RGPD2: variants seen among roughly 807,000 people sequenced by gnomAD.
The protein encoded by RGPD2 is RANBP2 like and GRIP domain containing 2.
In RGPD2, 2 loss-of-function variants were observed where a neutral mutation model predicts 36.0. The observed-to-expected ratio is 0.06, with a 90% CI of 0.02 to 0.17. The LOEUF (loss-of-function observed/expected upper bound fraction) is 0.17, where lower values mean the gene tolerates loss of function less well. Ranked by LOEUF, RGPD2 falls within the 10% of genes least tolerant of loss-of-function variation. The probability of loss-of-function intolerance (pLI) is 1.00; values close to 1 mark genes in which losing one functional copy is unlikely to be tolerated. For missense variants in RGPD2, 40 were observed against 464.3 expected (o/e 0.09, Z 8.40); for synonymous variants, 19 against 163.8 (o/e 0.12, Z 6.75).
the RGPD2 span, among the ~76,000 whole-genome samples, chr2:87,875,787 G>A: frequency 5.2e-5 from 8 of 152,390 alleles, no homozygotes; most frequent in African/African-American, 1.4e-4. Flanking sequence ...CAGTAGAAAC[G>A]GTACCAGCTC....
the RGPD2 span, among the ~76,000 whole-genome samples, chr2:87,844,753 T>C: frequency 3.3e-5 from 5 of 151,284 alleles, no homozygotes; most frequent in African/African-American, 9.7e-5. Flanking sequence ...TAATTTTTTA[T>C]TTTATTTTAC....
chr2:87,830,351 A>T (rs1464524654), upstream of RGPD2, among the ~76,000 whole-genome samples: 9 of 152,234 alleles, frequency 5.9e-5, no homozygotes, highest in Non-Finnish European at 1.3e-4. Flanking sequence ...TCCCAGCAAG[A>T]TCACCATCTA....
chr2:87,911,256 T>G, the RGPD2 span, among the ~76,000 whole-genome samples: 8 of 140,178 alleles, frequency 5.7e-5, no homozygotes, highest in South Asian at 2.0e-3. Flanking sequence ...TGTGTCTTTT[T>G]TTTTCAGAGC....
chr2:87,961,457 T>C, the RGPD2 span, among the ~76,000 whole-genome samples: 24 of 151,856 alleles, frequency 1.6e-4, no homozygotes, highest in East Asian at 3.9e-3. Context: ...TCCCAACACT[T>C]TGGGAGGCCG....
Position 87,825,104 on chromosome 2 carries a change from T to A in RGPD2, c.72+554A>T, listed in dbSNP as rs1192125011. 258 of 389,042 alleles carry A rather than the reference T, an allele frequency of 6.6e-4. 2 individuals are homozygous for A. In the East Asian group the frequency reaches 9.2e-3, roughly 14 times the overall value. The allele number at this position is 389,042 out of a possible 1,614,324, so 24.1% of individuals were successfully genotyped here. On this transcript the variant is annotated intron_variant, in intron 1 of 22. Transcript: ENST00000398146. ...CTATAGTAAACCCTGAGAACCAAAG[T>A]GAACGAAAATCTGTTCGCTTCATTC... is the stretch of plus-strand genomic sequence containing the variant.
chr2:87,763,251 G>C (rs1421690307), intron 22 of RGPD2, among the ~76,000 whole-genome samples: 2 of 145,936 alleles, frequency 1.4e-5, no homozygotes, highest in African/African-American at 5.2e-5. Context: ...TCCGCCTCCC[G>C]GGTTCGCGCC....
At chr2:87,978,284 A>G in the RGPD2 span, among the ~76,000 whole-genome samples, 14 of 150,598 alleles carry the variant, frequency 9.3e-5, no homozygotes, top group African/African-American at 3.4e-4. Flanking sequence ...TTAAAATCTA[A>G]TTTACAAGTT....
At chr2:87,878,883 GT>G in the RGPD2 span, among the ~76,000 whole-genome samples, 2 of 152,188 alleles carry the variant, frequency 1.3e-5, no homozygotes, top group Non-Finnish European at 2.9e-5. Flanking sequence ...GTTCATTCAT[GT>G]TGCAAATTAG....
chr2:87,971,773 G>A, the RGPD2 span, among the ~76,000 whole-genome samples: 1 of 152,102 alleles, frequency 6.6e-6, no homozygotes, highest in East Asian at 1.9e-4. Flanking sequence ...ATAATGTTAA[G>A]CTAGAACTCA....
At chr2:87,915,586 A>G in the RGPD2 span, among the ~76,000 whole-genome samples, 1 of 145,460 alleles carries the variant, frequency 6.9e-6, no homozygotes, top group East Asian at 2.0e-4. Flanking sequence ...GTGTGTGTAT[A>G]TACACATATA....
At chr2:87,853,178 A>G in the RGPD2 span, among the ~76,000 whole-genome samples, 2 of 151,124 alleles carry the variant, frequency 1.3e-5, no homozygotes, top group East Asian at 1.9e-4. Context: ...TGAAATTCCT[A>G]TTAGTCACAT....
At chr2:87,955,221 A>G in the RGPD2 span, among the ~76,000 whole-genome samples, 1 of 144,492 alleles carries the variant, frequency 6.9e-6, no homozygotes, top group African/African-American at 2.6e-5. Flanking sequence ...TCACCATGTT[A>G]GCCAGGATGG....
At chr2:87,972,045 C>T in the RGPD2 span, among the ~76,000 whole-genome samples, 1 of 151,340 alleles carries the variant, frequency 6.6e-6, no homozygotes, top group South Asian at 2.1e-4. Context: ...ATTAGGAAGT[C>T]AAGCACGGAG....
At chr2:87,858,428 T>C in the RGPD2 span, among the ~76,000 whole-genome samples, 3 of 148,386 alleles carry the variant, frequency 2.0e-5, no homozygotes, top group Non-Finnish European at 4.5e-5. Context: ...CTTTTGCTGC[T>C]TTTTTTTTTC....
chr2:87,853,135 G>T, the RGPD2 span, among the ~76,000 whole-genome samples: 2 of 151,776 alleles, frequency 1.3e-5, no homozygotes, highest in African/African-American at 2.4e-5. Context: ...TAATATTTTT[G>T]CCCCTGGTAA....
At chr2:87,975,928 A>T in the RGPD2 span, among the ~76,000 whole-genome samples, 1 of 152,124 alleles carries the variant, frequency 6.6e-6, no homozygotes, top group Admixed American at 6.6e-5. Flanking sequence ...TTAACACTAT[A>T]CTTAGCAGAG....
At chr2:87,980,340 A>T in the RGPD2 span, among the ~76,000 whole-genome samples, 1 of 33,270 alleles carries the variant, frequency 3.0e-5, no homozygotes, top group African/African-American at 7.4e-5. Context: ...AACAAGAGCG[A>T]TACTCCGTCT....
At chr2:87,933,649 G>C in the RGPD2 span, among the ~76,000 whole-genome samples, 1 of 149,056 alleles carries the variant, frequency 6.7e-6, no homozygotes, top group Non-Finnish European at 1.5e-5. Context: ...TGAAGGAACA[G>C]GTGGTGTTTC....
the RGPD2 span, among the ~76,000 whole-genome samples, chr2:87,927,862 T>A: frequency 6.8e-6 from 1 of 147,684 alleles, no homozygotes; most frequent in East Asian, 2.0e-4. Flanking sequence ...AAAAGTGATA[T>A]TCTGACATTT....
Sources: gnomAD v4.1 joint callset for allele counts (sites outside exome capture counted in the v4.1 genomes callset) on GRCh38, gnomAD v4.1.1 for gene constraint, MANE v1.5 for transcripts, NCBI Gene and HGNC (gene_info 2026-07-23, HGNC 2026-07-21) for gene names.